The following ANKRD62 variants were observed in gnomAD, a reference collection of about 807,000 sequenced individuals.
ANKRD62 encodes the protein ankyrin repeat domain 62.
ANKRD62 carries 61 observed loss-of-function variants against 98.8 expected under a neutral mutation model. That is an observed-to-expected ratio of 0.62 (90% confidence interval 0.50 to 0.76). The LOEUF is 0.76. Among genes scored for constraint, ANKRD62 ranks in the 30% least tolerant of loss-of-function variants. The probability of loss-of-function intolerance (pLI) is 0.00; values close to 1 mark genes in which losing one functional copy is unlikely to be tolerated. For missense variants in ANKRD62, 933 were observed against 1,082.9 expected (o/e 0.86, Z 1.94); for synonymous variants, 341 against 367.9 (o/e 0.93, Z 0.84).
At chr18:12,102,326 A>G in intron 6 of ANKRD62, 1 of 702,956 alleles carries the variant, frequency 1.4e-6, no homozygotes, top group Non-Finnish European at 2.7e-6. Flanking sequence ...GTGACAAGCC[A>G]ATGTACTCAC....
chr18:12,101,405 C>T (rs1909296877), intron 6 of ANKRD62, among the ~76,000 whole-genome samples: 1 of 152,242 alleles, frequency 6.6e-6, no homozygotes, highest in Non-Finnish European at 1.5e-5. Context: ...TTAAATGGAA[C>T]TTCTCTATAT....
the ANKRD62 span, among the ~76,000 whole-genome samples, chr18:12,167,736 G>T: frequency 2.0e-5 from 3 of 152,118 alleles, no homozygotes; most frequent in Admixed American, 1.3e-4. Flanking sequence ...GGTTGAACTA[G>T]TTTACACTCC....
chr18:12,096,251 C>T lies in ANKRD62; in HGVS notation c.563C>T (p.Ala188Val). The T allele has an allele frequency of 6.5e-7, 1 of 1,535,566 alleles. No individual in the cohort carries two copies. The highest frequency in any genetic ancestry group is 8.7e-7 in the Non-Finnish European group (1 of 1,146,186). The change falls in exon 4 of 14, where the codon GCA becomes GTA. Residue 188 changes from alanine to valine, a missense_variant. Ala to Val is a moderately conservative substitution (Grantham distance 64). Transcript: ENST00000587848. The part of the protein sequence containing the change: ...AVNRKKEQMV[A>V]FLLKKKPDLT... Reference sequence around the variant, plus strand: ...AATAGGAAAAAAGAGCAAATGGTGGCATTTTTGTTGAAGAAAAAACCAGAT... The same window carrying T: ...AATAGGAAAAAAGAGCAAATGGTGGTATTTTTGTTGAAGAAAAAACCAGAT...
chr18:12,115,306 A>T, intron 9 of ANKRD62, 87 bp from the exon 10 acceptor site: 1 of 1,350,616 alleles, frequency 7.4e-7, no homozygotes, highest in Admixed American at 2.9e-5. Flanking sequence ...GCTCATGTAA[A>T]AAGACGGATA....
At chr18:12,099,822 A>G (rs892319191) in intron 6 of ANKRD62, 140 bp downstream of exon 6, 6 of 417,540 alleles carry the variant, frequency 1.4e-5, no homozygotes, top group Non-Finnish European at 2.1e-5. Context: ...CTTTCTTAGT[A>G]ATCTAGATTT....
the ANKRD62 span, among the ~76,000 whole-genome samples, chr18:12,170,604 C>A: frequency 1.3e-5 from 2 of 152,158 alleles, no homozygotes; most frequent in African/African-American, 4.8e-5. Flanking sequence ...AATGTATATT[C>A]TGTTGATTTG....
the ANKRD62 span, among the ~76,000 whole-genome samples, chr18:12,154,387 A>G: frequency 1.3e-5 from 2 of 152,224 alleles, no homozygotes; most frequent in African/African-American, 4.8e-5. Context: ...AATCAAATCC[A>G]CAATGAGATA....
Position 12,107,318 on chromosome 18 carries a change from C to A in ANKRD62, c.915C>A (p.Cys305Ter). Residue 305 changes from cysteine to a stop codon, truncating the protein, a stop_gained, in exon 8 of 14, where the codon TGC becomes TGA. Coordinates refer to ENST00000587848, the MANE Select transcript of ANKRD62 (RefSeq NM_001277333.2). LOFTEE classifies it high-confidence loss of function. ...AGGTTGAAGAAAAAATGAAGAAATG[C>A]AGAAATAAGAAAATGGAAGTGTCAA... ...QPQVEEKMKKCRNKKMEVSRN... is the reference protein window; with the variant it reads ...QPQVEEKMKK 6.7e-7 allele frequency: 1 copy of A among 1,485,502 alleles called. No homozygotes were observed. Among genetic ancestry groups the A allele is most frequent in the Admixed American group, 2.3e-5 (1 of 43,654 alleles). The allele number at this position is 1,485,502 out of a possible 1,614,324, so 92.0% of individuals were successfully genotyped here.
the ANKRD62 span, among the ~76,000 whole-genome samples, chr18:12,164,283 C>T: frequency 3.3e-5 from 5 of 151,828 alleles, no homozygotes; most frequent in East Asian, 1.9e-4. Context: ...AAGTTAGCAG[C>T]GTATAGTTGC....
intron 8 of ANKRD62, among the ~76,000 whole-genome samples, chr18:12,111,207 C>A (rs1909530421): frequency 6.6e-6 from 1 of 151,426 alleles, no homozygotes; most frequent in South Asian, 2.1e-4. Flanking sequence ...CAAGATTGCA[C>A]CACTGCACTC....
At chr18:12,118,222 G>T (rs967290734) in intron 10 of ANKRD62, among the ~76,000 whole-genome samples, 1 of 152,062 alleles carries the variant, frequency 6.6e-6, no homozygotes, top group African/African-American at 2.4e-5. Context: ...TCCTTTCCTG[G>T]TGTCCCTCAT....
the ANKRD62 span, among the ~76,000 whole-genome samples, chr18:12,174,331 G>T: frequency 6.6e-6 from 1 of 152,078 alleles, no homozygotes; most frequent in African/African-American, 2.4e-5. Flanking sequence ...CTTTTAATGT[G>T]CCTTTCAGCT....
the ANKRD62 span, among the ~76,000 whole-genome samples, chr18:12,140,528 G>A: frequency 6.6e-6 from 1 of 152,302 alleles, no homozygotes; most frequent in East Asian, 1.9e-4. Flanking sequence ...GGTTGTTGGT[G>A]TAGATGTCCT....
At chr18:12,133,816 AT>A (rs1263806571), downstream of ANKRD62, among the ~76,000 whole-genome samples, 1 of 152,068 alleles carries the variant, frequency 6.6e-6, no homozygotes, top group Non-Finnish European at 1.5e-5. Context: ...TAAATCTTGT[AT>A]TCTTTATTGT....
downstream of ANKRD62, among the ~76,000 whole-genome samples, chr18:12,132,311 G>A (rs1202187329): frequency 4.6e-5 from 7 of 152,208 alleles, no homozygotes; most frequent in Middle Eastern, 3.4e-3. Context: ...TGCCAGTAAC[G>A]TTGTAATTGG....
chr18:12,140,289 C>T, the ANKRD62 span, among the ~76,000 whole-genome samples: 1,774 of 152,168 alleles, frequency 0.012, 33 homozygotes, highest in African/African-American at 0.041. Flanking sequence ...GCCATTGGTT[C>T]AAACTTCCTC....
At chr18:12,169,908 T>C in the ANKRD62 span, among the ~76,000 whole-genome samples, 2 of 152,232 alleles carry the variant, frequency 1.3e-5, no homozygotes, top group Non-Finnish European at 2.9e-5. Flanking sequence ...TTTTCTAGTT[T>C]ATTTGCATAG....
chr18:12,109,752 C>T (rs576941705), intron 8 of ANKRD62, among the ~76,000 whole-genome samples: 1 of 152,108 alleles, frequency 6.6e-6, no homozygotes, highest in South Asian at 2.1e-4. Flanking sequence ...CAGGAGTTGG[C>T]CAACTTTTTA....
chr18:12,140,522 G>T, the ANKRD62 span, among the ~76,000 whole-genome samples: 93,297 of 152,004 alleles, frequency 0.61, 29,079 homozygotes, highest in Middle Eastern at 0.76. Context: ...CAGATGGGTT[G>T]TTGGTGTAGA....
Sources: allele counts gnomAD v4.1 joint callset (sites outside exome capture counted in the v4.1 genomes callset), GRCh38; gene constraint gnomAD v4.1.1; transcripts MANE v1.5; gene names NCBI Gene and HGNC (gene_info 2026-07-23, HGNC 2026-07-21).